The following MAML3 variants were observed in gnomAD, a reference collection of about 807,000 sequenced individuals.
MAML3 encodes mastermind-like protein 3.
A neutral mutation model predicts 101.9 loss-of-function variants in MAML3; 27 were observed. The observed-to-expected ratio is 0.27, with a 90% confidence interval of 0.20 to 0.37. The LOEUF (loss-of-function observed/expected upper bound fraction) is 0.37, where lower values mean the gene tolerates loss of function less well. MAML3 is among the 10% of genes least tolerant of loss of function. The pLI is 1.00. For synonymous variants in MAML3, 501 were observed against 555.9 expected, an observed-to-expected ratio of 0.90 and a Z score of 1.39; for missense variants, 1,316 against 1,444.9, an observed-to-expected ratio of 0.91 and a Z score of 1.45.
At chr4:139,984,987 G>C (rs1296680258) in intron 1 of MAML3, among the ~76,000 whole-genome samples, 1 of 152,212 alleles carries the variant, frequency 6.6e-6, no homozygotes, top group Non-Finnish European at 1.5e-5. Flanking sequence ...CAAGACAGCT[G>C]TTGCAGCTTT....
At chr4:139,924,991 C>CTT (rs5862445) in intron 1 of MAML3, among the ~76,000 whole-genome samples, 2,108 of 150,888 alleles carry the variant, frequency 0.014, 48 homozygotes, top group African/African-American at 0.047. Context: ...TTTCGCTAAA[C>CTT]TTTTTTTTTT....
intron 1 of MAML3, among the ~76,000 whole-genome samples, chr4:140,144,856 G>T (rs1227504039): frequency 6.6e-6 from 1 of 152,136 alleles, no homozygotes; most frequent in African/African-American, 2.4e-5. Flanking sequence ...CCTCCAAAAT[G>T]CTCATCCTTT....
chr4:139,909,210 C>G (rs1732873647), intron 1 of MAML3, among the ~76,000 whole-genome samples: 1 of 152,094 alleles, frequency 6.6e-6, no homozygotes, highest in African/African-American at 2.4e-5. Flanking sequence ...ACATCTGACC[C>G]CTACTATACC....
intron 1 of MAML3, among the ~76,000 whole-genome samples, chr4:140,065,771 T>C (rs1029382669): frequency 2.0e-5 from 3 of 152,214 alleles, no homozygotes; most frequent in Non-Finnish European, 4.4e-5. Context: ...ATTGAATCCA[T>C]GTGAGATTAT....
chr4:139,833,197 C>A (rs1462902030), intron 2 of MAML3, among the ~76,000 whole-genome samples: 2 of 152,186 alleles, frequency 1.3e-5, no homozygotes, highest in African/African-American at 4.8e-5. Flanking sequence ...CACACAAACA[C>A]GCAAGTTAGC....
intron 2 of MAML3, among the ~76,000 whole-genome samples, chr4:139,838,844 GTCC>G (rs975421257): frequency 3.3e-4 from 50 of 152,144 alleles, no homozygotes; most frequent in African/African-American, 1.2e-3. Context: ...AAGATGTGGT[GTCC>G]TCCTCCCTTC....
intron 1 of MAML3, among the ~76,000 whole-genome samples, chr4:140,082,421 C>T (rs767595933): frequency 6.6e-6 from 1 of 152,226 alleles, no homozygotes; most frequent in African/African-American, 2.4e-5. Flanking sequence ...GGTGGGCCTG[C>T]AGTACTGGCT....
chr4:139,946,705 G>A (rs751199041), intron 1 of MAML3, among the ~76,000 whole-genome samples: 3 of 152,040 alleles, frequency 2.0e-5, no homozygotes, highest in Non-Finnish European at 2.9e-5. Flanking sequence ...TTTTATTCAT[G>A]TAAATAATGA....
At chr4:139,811,122 A>G (rs1358185724) in intron 2 of MAML3, among the ~76,000 whole-genome samples, 1 of 152,232 alleles carries the variant, frequency 6.6e-6, no homozygotes, top group Non-Finnish European at 1.5e-5. Context: ...ATTTCCTCTC[A>G]TCTGCCTGTG....
chr4:139,940,280 T>TTATACACTTGTATTGGGGA (rs1733578175), intron 1 of MAML3, among the ~76,000 whole-genome samples: 2 of 152,202 alleles, frequency 1.3e-5, no homozygotes, highest in Non-Finnish European at 2.9e-5. Context: ...TTTATATTTA[T>TTATACACTTGTATTGGGGA]TATACACTTG....
At chr4:140,085,127 T>C (rs980042223) in intron 1 of MAML3, among the ~76,000 whole-genome samples, 1 of 152,158 alleles carries the variant, frequency 6.6e-6, no homozygotes, top group Non-Finnish European at 1.5e-5. Flanking sequence ...GTTCACAAAA[T>C]CAAGGGTTTG....
intron 1 of MAML3, among the ~76,000 whole-genome samples, chr4:140,140,173 A>G (rs1194715356): frequency 6.6e-6 from 1 of 151,978 alleles, no homozygotes. Context: ...AACACAAAAA[A>G]ATTAGCCGGG....
At chr4:139,908,440 A>G (rs1309071445) in intron 1 of MAML3, among the ~76,000 whole-genome samples, 1 of 152,224 alleles carries the variant, frequency 6.6e-6, no homozygotes, top group African/African-American at 2.4e-5. Flanking sequence ...TTACTGTGTA[A>G]AAGAATAGGT....
intron 2 of MAML3, chr4:139,730,924 G>A (rs1252290805): frequency 1.8e-6 from 1 of 545,280 alleles, no homozygotes; most frequent in African/African-American, 1.9e-5. Context: ...TGTTTCGGAT[G>A]GGACTGACTA....
chr4:139,809,802 A>T (rs1272904435), intron 2 of MAML3, among the ~76,000 whole-genome samples: 1 of 151,764 alleles, frequency 6.6e-6, no homozygotes, highest in Non-Finnish European at 1.5e-5. Flanking sequence ...TTGCTGTGTG[A>T]AGAAAGCACA....
chr4:139,737,329 G>T (rs1728984883), intron 2 of MAML3, among the ~76,000 whole-genome samples: 1 of 151,020 alleles, frequency 6.6e-6, no homozygotes, highest in Non-Finnish European at 1.5e-5. Flanking sequence ...TTTTTTTTAA[G>T]CCCAAATTTC....
chr4:139,983,682 T>C (rs1734484814), intron 1 of MAML3, among the ~76,000 whole-genome samples: 1 of 152,178 alleles, frequency 6.6e-6, no homozygotes, highest in South Asian at 2.1e-4. Flanking sequence ...ATTTTTGGAT[T>C]TGGGGTGCTC....
chr4:140,033,123 A>G (rs1269568056), intron 1 of MAML3, among the ~76,000 whole-genome samples: 1 of 152,250 alleles, frequency 6.6e-6, no homozygotes, highest in East Asian at 1.9e-4. Flanking sequence ...TCCTTTTCCT[A>G]TATGGATTGC....
chr4:139,752,634 A>G (rs1729537012), intron 2 of MAML3, among the ~76,000 whole-genome samples: 2 of 152,248 alleles, frequency 1.3e-5, no homozygotes, highest in Admixed American at 6.5e-5. Context: ...GTATTTTTCT[A>G]AATGATAATA....
Sources: allele counts gnomAD v4.1 joint callset (sites outside exome capture counted in the v4.1 genomes callset), GRCh38; gene constraint gnomAD v4.1.1; transcripts MANE v1.5; gene names NCBI Gene and HGNC (gene_info 2026-07-23, HGNC 2026-07-21).